BABAM2: variants seen among roughly 807,000 people sequenced by gnomAD.
BABAM2 encodes BRISC and BRCA1-A complex member 2.
BABAM2 carries 31 observed loss-of-function variants against 54.7 expected under a neutral mutation model. The ratio of observed to expected loss-of-function variants is 0.57; its 90% CI spans 0.43 to 0.77. The LOEUF (loss-of-function observed/expected upper bound fraction) is 0.77. Ranked by LOEUF, BABAM2 falls within the 30% of genes least tolerant of loss-of-function variation. The pLI, the probability that BABAM2 is intolerant of heterozygous loss-of-function variation, is 0.00. For missense variants in BABAM2, 364 were observed against 455.8 expected (o/e 0.80, Z 1.83); for synonymous variants, 167 against 162.9 (o/e 1.03, Z -0.19).
chr2:28,128,520 C>T (rs1463059453), intron 6 of BABAM2, among the ~76,000 whole-genome samples: 5 of 152,180 alleles, frequency 3.3e-5, no homozygotes, highest in East Asian at 1.9e-4. Flanking sequence ...GTATCATCAG[C>T]GTTGGCTTGA....
At chr2:28,300,320 T>C (rs1688010970) in intron 11 of BABAM2, among the ~76,000 whole-genome samples, 1 of 152,212 alleles carries the variant, frequency 6.6e-6, no homozygotes, top group African/African-American at 2.4e-5. Context: ...AGAGTTGTTA[T>C]CTGAAACTTT....
rs751006976 is a variant in BABAM2 at position 28,025,258 on chromosome 2, A to C, written c.333A>C (p.Glu111Asp). 2.5e-6 allele frequency: 4 copies of C among 1,599,252 alleles called. No individual in the cohort carries two copies. In the South Asian group the frequency reaches 4.6e-5, roughly 18 times the overall value. ...NLASWNPSNP[E>D]CLLLVVKELV... ...CCTCCTGGAATCCTTCAAATCCTGAATGTCTCTTACTTGTGGTGAAGGAAC... is the reference window on the plus strand; with the variant it reads ...CCTCCTGGAATCCTTCAAATCCTGACTGTCTCTTACTTGTGGTGAAGGAAC... Residue 111 changes from glutamate to aspartate, a missense_variant, in exon 5 of 12, where the codon GAA becomes GAC. Transcript: ENST00000379624.
chr2:28,327,289 C>T, intron 11 of BABAM2: 1 of 1,607,168 alleles, frequency 6.2e-7, no homozygotes, highest in Non-Finnish European at 8.5e-7. Context: ...GCCAAGGGAG[C>T]AGAGATGCCT....
chr2:28,241,738 C>A (rs1350126913), intron 9 of BABAM2, among the ~76,000 whole-genome samples: 1 of 152,112 alleles, frequency 6.6e-6, no homozygotes, highest in Admixed American at 6.5e-5. Flanking sequence ...TGTGATCCGC[C>A]CACCTTGGCC....
intron 10 of BABAM2, among the ~76,000 whole-genome samples, chr2:28,284,523 C>T (rs969278925): frequency 4.6e-5 from 7 of 152,038 alleles, no homozygotes; most frequent in Admixed American, 3.3e-4. Flanking sequence ...ACTGTCTGAC[C>T]GAGGTTTCAT....
chr2:27,916,406 G>A (rs1377493602), intron 2 of BABAM2, among the ~76,000 whole-genome samples: 1 of 152,164 alleles, frequency 6.6e-6, no homozygotes, highest in Non-Finnish European at 1.5e-5. Context: ...TGGCCCTGGG[G>A]ATCTCTTATA....
intron 10 of BABAM2, among the ~76,000 whole-genome samples, chr2:28,292,828 TATCC>T (rs1687397406): frequency 2.0e-5 from 3 of 152,220 alleles, no homozygotes; most frequent in African/African-American, 7.2e-5. Context: ...GGCTGAGTGA[TATCC>T]AGCACTGTCA....
chr2:27,962,470 C>T lies in BABAM2; in HGVS notation c.206-25523C>T, dbSNP rs371222942. 4.1e-4 allele frequency among the ~76,000 whole-genome samples: 63 copies of T among 152,154 alleles called. No individual in the cohort carries two copies. In the East Asian group the frequency reaches 5.2e-3, roughly 13 times the overall value. Reference sequence around the variant, plus strand: ...TCAAGATAATAAAGTGGACCAGATACGTATAGCTAAACTCTTTGAGCATTT... The same window carrying T: ...TCAAGATAATAAAGTGGACCAGATATGTATAGCTAAACTCTTTGAGCATTT... On this transcript the variant is annotated intron_variant, in intron 3 of 11. Coordinates refer to ENST00000379624, the MANE Select transcript of BABAM2 (RefSeq NM_199191.3).
chr2:27,984,684 T>C (rs1672269231), intron 3 of BABAM2, among the ~76,000 whole-genome samples: 1 of 152,042 alleles, frequency 6.6e-6, no homozygotes, highest in African/African-American at 2.4e-5. Flanking sequence ...ATTTCTCACA[T>C]TTTATTTTAT....
intron 4 of BABAM2, among the ~76,000 whole-genome samples, chr2:27,993,615 T>A (rs1391633751): frequency 6.6e-6 from 1 of 152,114 alleles, no homozygotes; most frequent in Non-Finnish European, 1.5e-5. Context: ...GATCATAAAT[T>A]TAAATGAGAA....
chr2:28,312,718 T>C (rs1192554631), intron 11 of BABAM2, among the ~76,000 whole-genome samples: 2 of 151,658 alleles, frequency 1.3e-5, no homozygotes, highest in East Asian at 3.9e-4. Context: ...AGTGTGACAG[T>C]GGGGGCCAGT....
At chr2:28,043,303 G>A (rs1158908896) in intron 5 of BABAM2, among the ~76,000 whole-genome samples, 1 of 151,736 alleles carries the variant, frequency 6.6e-6, no homozygotes, top group Non-Finnish European at 1.5e-5. Context: ...GCTAATTTTT[G>A]TATTTTTAGT....
Position 28,025,211 on chromosome 2 carries a change from T to C in BABAM2, c.301-15T>C, listed in dbSNP as rs770536549. 8.9e-6 allele frequency: 14 copies of C among 1,567,944 alleles called. No individual in the cohort carries two copies. The South Asian group carries it at 1.6e-4, about 18-fold the overall frequency. Reference sequence around the variant, plus strand: ...TCAGTTTTAACTGGTCTTTTATTTGTTACGACTTCTACAGAATCTTGCCTC... The same window carrying C: ...TCAGTTTTAACTGGTCTTTTATTTGCTACGACTTCTACAGAATCTTGCCTC... On this transcript the variant is annotated splice_polypyrimidine_tract_variant and intron_variant, in intron 4 of 11. Coordinates refer to ENST00000379624, the MANE Select transcript of BABAM2 (RefSeq NM_199191.3).
At chr2:28,097,472 A>G (rs1666728137) in intron 6 of BABAM2, among the ~76,000 whole-genome samples, 1 of 152,212 alleles carries the variant, frequency 6.6e-6, no homozygotes. Context: ...ATCAAGTTGT[A>G]CATTTTTTCC....
At chr2:28,217,764 A>T (rs1040520691) in intron 7 of BABAM2, among the ~76,000 whole-genome samples, 2 of 152,202 alleles carry the variant, frequency 1.3e-5, no homozygotes, top group African/African-American at 4.8e-5. Context: ...CTTGATGTTC[A>T]GTCTATAGGT....
intron 6 of BABAM2, among the ~76,000 whole-genome samples, chr2:28,067,548 A>G (rs114122840): frequency 6.6e-6 from 1 of 152,358 alleles, no homozygotes; most frequent in African/African-American, 2.4e-5. Context: ...GTTTGAGGAA[A>G]GGCCCAGAGG....
At chr2:28,035,686 T>C (rs1219862114) in intron 5 of BABAM2, among the ~76,000 whole-genome samples, 1 of 152,184 alleles carries the variant, frequency 6.6e-6, no homozygotes, top group East Asian at 1.9e-4. Context: ...TGGAATTTGT[T>C]GTACTGAATT....
intron 3 of BABAM2, among the ~76,000 whole-genome samples, chr2:27,967,093 A>G (rs1670890573): frequency 6.6e-6 from 1 of 152,200 alleles, no homozygotes; most frequent in African/African-American, 2.4e-5. Flanking sequence ...TGAACAGCCA[A>G]GCTTCCTGCC....
chr2:27,914,251 G>A (rs755884486), intron 2 of BABAM2, among the ~76,000 whole-genome samples: 12 of 152,248 alleles, frequency 7.9e-5, no homozygotes, highest in Admixed American at 2.0e-4. Flanking sequence ...TCCCTGGGCA[G>A]CTAATACTGT....
Sources: allele counts gnomAD v4.1 joint callset (sites outside exome capture counted in the v4.1 genomes callset), GRCh38; gene constraint gnomAD v4.1.1; transcripts MANE v1.5; gene names NCBI Gene and HGNC (gene_info 2026-07-23, HGNC 2026-07-21).